The following MBP variants were observed in gnomAD, a reference collection of about 807,000 sequenced individuals.
MBP encodes Golli-MBP.
Under a neutral mutation model 35.8 loss-of-function variants are expected in MBP, and 16 were observed. The observed-to-expected ratio is 0.45, with a 90% CI of 0.30 to 0.68. The LOEUF is 0.68. Among genes scored for constraint, MBP ranks in the 30% least tolerant of loss-of-function variants. The probability of loss-of-function intolerance (pLI) is 0.08; values close to 1 mark genes in which losing one functional copy is unlikely to be tolerated. For synonymous variants in MBP, 143 were observed against 159.6 expected (o/e 0.90, Z 0.78); for missense variants, 380 against 404.7 (o/e 0.94, Z 0.52).
chr18:77,043,861 C>A (rs1269210546), intron 3 of MBP, among the ~76,000 whole-genome samples: 2 of 152,070 alleles, frequency 1.3e-5, no homozygotes, highest in Non-Finnish European at 2.9e-5. Flanking sequence ...ACTCACATGC[C>A]CACACGTGTA....
At chr18:77,091,064 C>T (rs893685219) in intron 2 of MBP, among the ~76,000 whole-genome samples, 17 of 152,192 alleles carry the variant, frequency 1.1e-4, no homozygotes, top group African/African-American at 4.1e-4. Flanking sequence ...GAGGTAAATT[C>T]CTACCACACA....
At chr18:77,048,622 G>A (rs1973354568) in intron 3 of MBP, among the ~76,000 whole-genome samples, 1 of 151,618 alleles carries the variant, frequency 6.6e-6, no homozygotes, top group African/African-American at 2.4e-5. Flanking sequence ...CGCCACCACG[G>A]CCGGCTAATT....
intron 3 of MBP, among the ~76,000 whole-genome samples, chr18:77,060,793 C>G (rs776154502): frequency 6.6e-6 from 1 of 152,132 alleles, no homozygotes; most frequent in African/African-American, 2.4e-5. Flanking sequence ...TCTTGAGGGT[C>G]AATAGGAAAC....
intron 3 of MBP, among the ~76,000 whole-genome samples, chr18:77,063,498 G>A (rs1974069538): frequency 6.6e-6 from 1 of 152,208 alleles, no homozygotes; most frequent in East Asian, 1.9e-4. Context: ...GCCTGAAGGT[G>A]ACTCTTGAGA....
At chr18:77,008,162 C>T (rs1032058735) in intron 4 of MBP, among the ~76,000 whole-genome samples, 2 of 152,156 alleles carry the variant, frequency 1.3e-5, no homozygotes, top group African/African-American at 4.8e-5. Flanking sequence ...CTGTGCCACC[C>T]TTAGCTCACC....
At chr18:77,027,580 A>G (rs980437240) in intron 3 of MBP, among the ~76,000 whole-genome samples, 16 of 151,624 alleles carry the variant, frequency 1.1e-4, no homozygotes, top group African/African-American at 3.9e-4. Context: ...AGAGCTCACA[A>G]CTCTCATTTG....
chr18:77,004,529 G>T (rs1037549874), intron 4 of MBP: 1 of 152,180 alleles, frequency 6.6e-6, no homozygotes, highest in African/African-American at 2.4e-5. Flanking sequence ...AAAGTCACGG[G>T]CATTTACTTT....
rs1356642789 is a variant in MBP at position 76,987,471 on chromosome 18, C to T, written c.750+1024G>A. ...ATGTGTGGGACTGATCTGGGATCCT[C>T]ATGGTCTCTCAAGTACCCTGCCCCT... is the stretch of plus-strand genomic sequence containing the variant. On this transcript the variant is annotated intron_variant, in intron 7 of 8. Coordinates refer to ENST00000355994, the MANE Select transcript of MBP (RefSeq NM_001025101.2). 6.1e-6 allele frequency: 6 copies of T among 985,396 alleles called. No homozygotes were observed. The African/African-American group carries it at 1.0e-4, about 17-fold the overall frequency. The allele number at this position is 985,396 out of a possible 1,614,324, so 61.0% of individuals were successfully genotyped here. A position where few individuals can be genotyped will look rare whatever the true frequency, so the allele number is the denominator to read the frequency against.
chr18:77,116,460 G>T (rs1362024618), intron 1 of MBP, among the ~76,000 whole-genome samples: 1 of 152,220 alleles, frequency 6.6e-6, no homozygotes, highest in Non-Finnish European at 1.5e-5. Context: ...GCATTGAACA[G>T]AACTAGATTT....
chr18:76,979,534 C>T lies in MBP; in HGVS notation c.*893G>A. 1 of 206,526 alleles carries T rather than the reference C, an allele frequency of 4.8e-6. No homozygotes were observed. The highest frequency in any genetic ancestry group is 9.8e-6 in the Non-Finnish European group (1 of 101,692). 12.8% of individuals were successfully genotyped at this position (206,526 alleles called of 1,614,324 possible). A position where few individuals can be genotyped will look rare whatever the true frequency, so the allele number is the denominator to read the frequency against. The stretch of plus-strand genomic sequence containing the variant: ...CGAGGCTGTCTAGAGGACTCCTACC[C>T]TTCTGCTCTGAGTGCGCAAGTCTTC... On this transcript the variant is annotated 3_prime_UTR_variant, in exon 9 of 9. Coordinates refer to ENST00000355994, the MANE Select transcript of MBP (RefSeq NM_001025101.2).
intron 1 of MBP, among the ~76,000 whole-genome samples, chr18:77,122,502 T>C (rs1401763811): frequency 2.6e-5 from 4 of 152,182 alleles, no homozygotes; most frequent in East Asian, 1.9e-4. Flanking sequence ...AACTGCGGCA[T>C]AGAAGACAGC....
chr18:76,989,164 C>G lies in MBP; in HGVS notation c.682-252G>C. ...GATGGAAAACACCTCCCAGAGGCTCCGTAGCTGGGGAATGGGCCCATCTTG... is the reference window on the plus strand; with the variant it reads ...GATGGAAAACACCTCCCAGAGGCTCGGTAGCTGGGGAATGGGCCCATCTTG... On this transcript the variant is annotated intron_variant, in intron 5 of 8. Transcript: ENST00000355994. This position sits in a 1 kb window ranked among gnomAD's most constrained non-coding sequence, Gnocchi z 4.0. 1.5e-6 allele frequency: 1 copy of G among 663,562 alleles called. No homozygotes were observed. The highest frequency in any genetic ancestry group is 2.8e-6 in the Non-Finnish European group (1 of 360,518). 41.1% of individuals were successfully genotyped at this position (663,562 alleles called of 1,614,324 possible).
chr18:77,012,153 ATTTCTCAAAGACCCCAAG>A (rs1315609765), intron 4 of MBP, among the ~76,000 whole-genome samples: 5 of 152,166 alleles, frequency 3.3e-5, no homozygotes, highest in Non-Finnish European at 7.4e-5. Context: ...CTTGTTTCTA[ATTTCTCAAAGACCCCAAG>A]TTTCAGCTTC....
intron 2 of MBP, among the ~76,000 whole-genome samples, chr18:77,094,321 C>G (rs1332797177): frequency 6.6e-6 from 1 of 152,202 alleles, no homozygotes; most frequent in Non-Finnish European, 1.5e-5. Flanking sequence ...TTTTATTCCT[C>G]TCTTTAGGAG....
At position 76,988,495 on chromosome 18, in the gene MBP, C is replaced by G; in HGVS notation, c.750G>C (p.Trp250Cys). The part of the protein sequence containing the change: ...GRGLSLSRFS[W>C]GAEGQRPGFG... ...CGATGGAAGTGCGTTCGTCACCTACCCAGCTAAATCTGCTCAGGGACAGTC... is the reference window on the plus strand; with the variant it reads ...CGATGGAAGTGCGTTCGTCACCTACGCAGCTAAATCTGCTCAGGGACAGTC... The change falls in exon 7 of 9, where the codon TGG becomes TGC. Residue 250 changes from tryptophan to cysteine, a missense_variant and splice_region_variant. Coordinates refer to ENST00000355994, the MANE Select transcript of MBP (RefSeq NM_001025101.2). The surrounding 1 kb of genome is among the most constrained non-coding windows in gnomAD (Gnocchi z 5.2). 1 of 1,614,140 alleles carries G rather than the reference C, an allele frequency of 6.2e-7. No homozygotes were observed. Among genetic ancestry groups the G allele is most frequent in the Non-Finnish European group, 8.5e-7 (1 of 1,180,026 alleles).
intron 8 of MBP, 178 bp downstream of exon 8, chr18:76,984,597 C>T: frequency 6.5e-6 from 5 of 764,820 alleles, no homozygotes; most frequent in Non-Finnish European, 1.0e-5. Context: ...GGAGGAAATC[C>T]ACGCGTAAAT....
At chr18:77,073,220 A>ATG (rs1280746947) in intron 2 of MBP, among the ~76,000 whole-genome samples, 4 of 152,134 alleles carry the variant, frequency 2.6e-5, no homozygotes, top group Admixed American at 2.0e-4. Flanking sequence ...AGTATTTTAT[A>ATG]TGTATATATA....
At chr18:77,118,282 C>A (rs892810653) in intron 1 of MBP, among the ~76,000 whole-genome samples, 1 of 151,768 alleles carries the variant, frequency 6.6e-6, no homozygotes, top group Non-Finnish European at 1.5e-5. Context: ...CCCCATCTCT[C>A]CCCTAGGGTG....
At chr18:76,986,689 T>C (rs1471198449) in intron 7 of MBP, 1 of 985,536 alleles carries the variant, frequency 1.0e-6, no homozygotes, top group Non-Finnish European at 1.2e-6. Flanking sequence ...GCTCACTCCC[T>C]GATGGCAGAG....
Sources: gnomAD v4.1 joint callset for allele counts (sites outside exome capture counted in the v4.1 genomes callset) on GRCh38, gnomAD v4.1.1 for gene constraint, Gnocchi (gnomAD v3.1) non-coding constraint, MANE v1.5 for transcripts, NCBI Gene and HGNC (gene_info 2026-07-23, HGNC 2026-07-21) for gene names.